ITSN2: variants seen among roughly 807,000 people sequenced by gnomAD.
The protein encoded by ITSN2 is intersectin-2.
Under a neutral mutation model 243.7 loss-of-function variants are expected in ITSN2, and 156 were observed. The observed-to-expected ratio is 0.64, with a 90% CI of 0.56 to 0.73. The LOEUF is 0.73. ITSN2 is among the 30% of genes least tolerant of loss of function. ITSN2 has a pLI of 0.00. For synonymous variants in ITSN2, 703 were observed against 699.9 expected, an observed-to-expected ratio of 1.00 and a Z score of -0.07; for missense variants, 1,801 against 1,996.1, an observed-to-expected ratio of 0.90 and a Z score of 1.86.
intron 2 of ITSN2, among the ~76,000 whole-genome samples, chr2:24,326,959 A>G (rs1450231367): frequency 1.3e-5 from 2 of 152,234 alleles, no homozygotes; most frequent in Non-Finnish European, 2.9e-5. Context: ...TGAAGATGGT[A>G]GAATGGTGAT....
chr2:24,264,216 A>T (rs1297310399), intron 20 of ITSN2, among the ~76,000 whole-genome samples: 1 of 151,572 alleles, frequency 6.6e-6, no homozygotes, highest in African/African-American at 2.4e-5. Context: ...ACATGGAAAA[A>T]CCCTGTCTCT....
intron 2 of ITSN2, among the ~76,000 whole-genome samples, chr2:24,319,514 T>C (rs1245389885): frequency 2.6e-5 from 4 of 152,122 alleles, no homozygotes; most frequent in African/African-American, 9.7e-5. Flanking sequence ...GTATCTCCTG[T>C]CCATATCACT....
chr2:24,349,368 C>G (rs1687835946), intron 1 of ITSN2, among the ~76,000 whole-genome samples: 1 of 152,128 alleles, frequency 6.6e-6, no homozygotes. Flanking sequence ...TTTCATCAAC[C>G]TGAATTATTT....
chr2:24,263,879 C>G (rs1485271116), intron 20 of ITSN2, among the ~76,000 whole-genome samples: 1 of 152,090 alleles, frequency 6.6e-6, no homozygotes, highest in Non-Finnish European at 1.5e-5. Context: ...TGTCTTCATA[C>G]GGACATATGT....
At chr2:24,271,156 T>C (rs969108975) in intron 19 of ITSN2, among the ~76,000 whole-genome samples, 7 of 152,056 alleles carry the variant, frequency 4.6e-5, no homozygotes, top group African/African-American at 1.7e-4. Context: ...AAGGGGGGTC[T>C]CAAAAGATAA....
chr2:24,301,206 A>C lies in ITSN2; in HGVS notation c.1029T>G (p.Thr343=), dbSNP rs754982450. ...CTTGCATTTTCTGATATGAAGGCAG[A>C]GTTCCATTAATGGAATCAATTTGCT... The part of the protein sequence containing the change: ...GGKQIDSING[T]LPSYQKMQEE... The change falls in exon 11 of 40, where the codon ACT becomes ACG. Residue 343 remains threonine (T), a synonymous_variant. Transcript: ENST00000355123. 2 of 1,609,324 alleles carry C rather than the reference A, an allele frequency of 1.2e-6. No individual in the cohort carries two copies. The highest frequency in any genetic ancestry group is 1.7e-6 in the Non-Finnish European group (2 of 1,177,194).
At chr2:24,234,134 T>G (rs529279057) in intron 29 of ITSN2, among the ~76,000 whole-genome samples, 1 of 151,954 alleles carries the variant, frequency 6.6e-6, no homozygotes, top group Non-Finnish European at 1.5e-5. Flanking sequence ...AATACACAAA[T>G]AGATCAATGA....
At chr2:24,330,200 C>T (rs1685617081) in intron 1 of ITSN2, among the ~76,000 whole-genome samples, 1 of 152,218 alleles carries the variant, frequency 6.6e-6, no homozygotes, top group South Asian at 2.1e-4. Context: ...AGGCCTTAAT[C>T]AGTTGGGATC....
upstream of ITSN2, among the ~76,000 whole-genome samples, chr2:24,360,994 T>C (rs2551155): frequency 0.98 from 148,934 of 152,298 alleles, 72,819 homozygotes; most frequent in East Asian, 0.99. Flanking sequence ...GGGTGGAAGG[T>C]GGGAAGGAGG....
chr2:24,233,409 G>A (rs1344463357), intron 29 of ITSN2, among the ~76,000 whole-genome samples: 1 of 152,104 alleles, frequency 6.6e-6, no homozygotes, highest in Non-Finnish European at 1.5e-5. Flanking sequence ...ACCTTGGAAT[G>A]TAACTTGACC....
chr2:24,358,511 A>G (rs953139533), intron 1 of ITSN2, among the ~76,000 whole-genome samples: 2 of 152,228 alleles, frequency 1.3e-5, no homozygotes, highest in African/African-American at 2.4e-5. Context: ...AAGAAAGTAT[A>G]GTTGAAGGAG....
intron 19 of ITSN2, 55 bp downstream of exon 19, chr2:24,271,711 G>T: frequency 1.4e-6 from 2 of 1,452,006 alleles, no homozygotes; most frequent in Non-Finnish European, 1.8e-6. Context: ...CTCTTATCAG[G>T]TCATTTTTTT....
At chr2:24,291,815 T>C (rs552647324) in intron 15 of ITSN2, among the ~76,000 whole-genome samples, 1 of 152,326 alleles carries the variant, frequency 6.6e-6, no homozygotes, top group South Asian at 2.1e-4. Flanking sequence ...CATAACAATG[T>C]ATATTACTAA....
chr2:24,256,256 T>C (rs1467250614), intron 23 of ITSN2, among the ~76,000 whole-genome samples: 2 of 152,162 alleles, frequency 1.3e-5, no homozygotes, highest in African/African-American at 2.4e-5. Flanking sequence ...CAAAATTCCA[T>C]GTCAGGCTGA....
intron 17 of ITSN2, among the ~76,000 whole-genome samples, chr2:24,281,156 G>A (rs1558544575): frequency 6.6e-6 from 1 of 152,108 alleles, no homozygotes; most frequent in Non-Finnish European, 1.5e-5. Context: ...AGCCTCCCGA[G>A]TAGCTGGGAT....
chr2:24,204,370 G>A lies in ITSN2; in HGVS notation c.4811C>T (p.Thr1604Ile), dbSNP rs762167499. ...GAGTGTGTCCTGGATGGTCCTGGTG[G>A]TGTAGCTCTGGGAGCCCATGCTGAT... ...CEISMGSQSYTTRTIQDTLNP... is the reference protein window; with the variant it reads ...CEISMGSQSYITRTIQDTLNP... Residue 1604 changes from threonine to isoleucine, a missense_variant, in exon 39 of 40, where the codon ACC (threonine) becomes ATC (isoleucine). Around this residue, in one of 5 missense-constraint regions of ITSN2, gnomAD observed 928 missense variants for 1,065.4 expected, o/e 0.87. Coordinates refer to ENST00000355123, the MANE Select transcript of ITSN2 (RefSeq NM_006277.3). The surrounding 1 kb of genome is among the most constrained non-coding windows in gnomAD (Gnocchi z 5.1). 7.4e-6 allele frequency: 12 copies of A among 1,614,186 alleles called. No homozygotes were observed. Among genetic ancestry groups the A allele is most frequent in the Non-Finnish European group, 1.0e-5 (12 of 1,180,024 alleles).
chr2:24,218,162 C>G (rs1473820205), intron 30 of ITSN2, 149 bp from the exon 31 acceptor site: 1 of 609,650 alleles, frequency 1.6e-6, no homozygotes, highest in Non-Finnish European at 2.9e-6. Context: ...AATAAGCATA[C>G]TTATGACACA....
intron 29 of ITSN2, among the ~76,000 whole-genome samples, chr2:24,227,920 G>A (rs147407811): frequency 8.3e-4 from 127 of 152,178 alleles, no homozygotes; most frequent in Middle Eastern, 6.8e-3. Flanking sequence ...AACATAAAAC[G>A]GAAGTTAAGA....
At chr2:24,234,369 A>C (rs1052226364) in intron 29 of ITSN2, among the ~76,000 whole-genome samples, 4 of 152,154 alleles carry the variant, frequency 2.6e-5, no homozygotes, top group African/African-American at 9.7e-5. Context: ...CACAAACCTA[A>C]ATCTGAAACA....
Sources: gnomAD v4.1 joint callset for allele counts (sites outside exome capture counted in the v4.1 genomes callset) on GRCh38, gnomAD v4.1.1 for gene constraint, gnomAD v4.1.1 regional missense constraint, Gnocchi (gnomAD v3.1) non-coding constraint, MANE v1.5 for transcripts, NCBI Gene and HGNC (gene_info 2026-07-23, HGNC 2026-07-21) for gene names.